The following SLC14A2 variants were observed in gnomAD, a reference collection of about 807,000 sequenced individuals.
SLC14A2 encodes the protein solute carrier family 14 member 2.
Under a neutral mutation model 104.6 loss-of-function variants are expected in SLC14A2, and 91 were observed. The ratio of observed to expected loss-of-function variants is 0.87; its 90% CI spans 0.73 to 1.04. The LOEUF is 1.04. SLC14A2 is among the 50% of genes least tolerant of loss of function. The pLI is 0.00. For synonymous variants in SLC14A2, 476 were observed against 466.4 expected (o/e 1.02, Z -0.27); for missense variants, 1,189 against 1,156.0 (o/e 1.03, Z -0.41).
At chr18:45,232,963 C>T (rs1251407923) in intron 1 of SLC14A2, among the ~76,000 whole-genome samples, 1 of 152,210 alleles carries the variant, frequency 6.6e-6, no homozygotes, top group African/African-American at 2.4e-5. Flanking sequence ...ACTTCTTGCA[C>T]CCCAATTTTT....
At chr18:45,641,092 T>G in intron 7 of SLC14A2, 117 bp from the exon 8 acceptor site, 1 of 1,013,922 alleles carries the variant, frequency 9.9e-7, no homozygotes, top group Non-Finnish European at 1.5e-6. Context: ...ATGGGCAGGT[T>G]TGGAGATGTG....
At chr18:45,321,209 G>A (rs959773976) in intron 1 of SLC14A2, among the ~76,000 whole-genome samples, 2 of 152,176 alleles carry the variant, frequency 1.3e-5, no homozygotes, top group Non-Finnish European at 2.9e-5. Context: ...ATATGAAGGG[G>A]TAGGTCATGG....
chr18:45,273,424 A>G (rs1159046155), intron 1 of SLC14A2, among the ~76,000 whole-genome samples: 1 of 152,152 alleles, frequency 6.6e-6, no homozygotes, highest in East Asian at 1.9e-4. Flanking sequence ...TGGAGGTAAA[A>G]TCAAGATAAC....
At chr18:45,235,850 T>TATATAC in intron 1 of SLC14A2, among the ~76,000 whole-genome samples, 1 of 100,982 alleles carries the variant, frequency 9.9e-6, no homozygotes, top group Non-Finnish European at 2.2e-5. Flanking sequence ...TATATATGTA[T>TATATAC]ATATACATAT....
At chr18:45,492,355 C>T (rs1045805612) in intron 2 of SLC14A2, among the ~76,000 whole-genome samples, 8 of 152,192 alleles carry the variant, frequency 5.3e-5, no homozygotes, top group African/African-American at 1.7e-4. Context: ...AATTGACTCA[C>T]AGTTCTGCAC....
intron 2 of SLC14A2, among the ~76,000 whole-genome samples, chr18:45,563,012 A>ATT (rs970164779): frequency 3.2e-4 from 48 of 152,272 alleles, no homozygotes; most frequent in African/African-American, 1.1e-3. Flanking sequence ...AAGTGTTTGG[A>ATT]TTTTCTAGGT....
intron 1 of SLC14A2, among the ~76,000 whole-genome samples, chr18:45,409,130 T>A (rs1257486611): frequency 1.3e-5 from 2 of 152,178 alleles, no homozygotes; most frequent in Non-Finnish European, 2.9e-5. Flanking sequence ...GACTGACAAG[T>A]CCTGCTTTCT....
At chr18:45,501,258 G>A (rs930624161) in intron 2 of SLC14A2, among the ~76,000 whole-genome samples, 5 of 152,174 alleles carry the variant, frequency 3.3e-5, no homozygotes, top group Non-Finnish European at 7.4e-5. Context: ...GCCAGGAAAA[G>A]AGAGTGACTC....
chr18:45,331,090 T>C (rs1023010285), intron 1 of SLC14A2, among the ~76,000 whole-genome samples: 21 of 152,174 alleles, frequency 1.4e-4, no homozygotes, highest in African/African-American at 4.1e-4. Context: ...TTGGATAAAA[T>C]AATTGGAGAC....
intron 1 of SLC14A2, among the ~76,000 whole-genome samples, chr18:45,414,751 AAAAAAAATATATATATAT>A (rs2086252389): frequency 1.4e-5 from 1 of 70,876 alleles, no homozygotes; most frequent in African/African-American, 5.9e-5. Context: ...GCGTAAAAAA[AAAAAAAATATATATATAT>A]ATATATATAT....
the SLC14A2 span, among the ~76,000 whole-genome samples, chr18:45,182,516 A>G: frequency 6.6e-6 from 1 of 152,086 alleles, no homozygotes; most frequent in East Asian, 1.9e-4. Context: ...GCATAGAAAA[A>G]TATAAAAAGT....
At chr18:45,549,332 G>A (rs117190376) in intron 2 of SLC14A2, among the ~76,000 whole-genome samples, 1,933 of 152,358 alleles carry the variant, frequency 0.013, 20 homozygotes, top group Non-Finnish European at 0.021. Flanking sequence ...ATATTCAGAT[G>A]TGCTACCAGC....
intron 1 of SLC14A2, among the ~76,000 whole-genome samples, chr18:45,433,298 T>C (rs2086546607): frequency 6.6e-6 from 1 of 152,210 alleles, no homozygotes; most frequent in Admixed American, 6.5e-5. Flanking sequence ...ATAATTAATA[T>C]TGTATTCCCA....
At chr18:45,621,148 C>T (rs1024146311) in intron 1 of SLC14A2, among the ~76,000 whole-genome samples, 3 of 152,188 alleles carry the variant, frequency 2.0e-5, no homozygotes, top group African/African-American at 7.2e-5. Context: ...GCTGTATCAC[C>T]TCTTGGCCAC....
chr18:45,433,308 A>C (rs1310273679), intron 1 of SLC14A2, among the ~76,000 whole-genome samples: 5 of 152,222 alleles, frequency 3.3e-5, no homozygotes, highest in Non-Finnish European at 7.3e-5. Flanking sequence ...TTGTATTCCC[A>C]ACATTGTTAA....
At chr18:45,288,044 A>G (rs1239114278) in intron 1 of SLC14A2, among the ~76,000 whole-genome samples, 1 of 152,200 alleles carries the variant, frequency 6.6e-6, no homozygotes, top group Admixed American at 6.5e-5. Flanking sequence ...TCCTCCCTAC[A>G]CAGGAGCAAT....
upstream of SLC14A2, among the ~76,000 whole-genome samples, chr18:45,613,807 G>A (rs923520457): frequency 1.3e-5 from 2 of 152,230 alleles, no homozygotes; most frequent in Non-Finnish European, 2.9e-5. Context: ...TTTACAGAGA[G>A]ATTGTTTGAA....
At chr18:45,285,982 T>A (rs1207589511) in intron 1 of SLC14A2, among the ~76,000 whole-genome samples, 1 of 152,196 alleles carries the variant, frequency 6.6e-6, no homozygotes, top group African/African-American at 2.4e-5. Flanking sequence ...GCCTGGACAT[T>A]GCTAATTTTA....
chr18:45,638,088 C>T (rs551106527), intron 6 of SLC14A2, among the ~76,000 whole-genome samples: 21 of 152,252 alleles, frequency 1.4e-4, no homozygotes, highest in South Asian at 4.1e-4. Flanking sequence ...TCTGCGTTCC[C>T]GGATGGAAAG....
Sources: gnomAD v4.1 joint callset for allele counts (sites outside exome capture counted in the v4.1 genomes callset) on GRCh38, gnomAD v4.1.1 for gene constraint, MANE v1.5 for transcripts, NCBI Gene and HGNC (gene_info 2026-07-23, HGNC 2026-07-21) for gene names.